Variants in RABGAP1L observed in about 807,000 individuals in gnomAD.
The protein encoded by RABGAP1L is RAB GTPase activating protein 1 like.
In RABGAP1L, 63 loss-of-function variants were observed where a neutral mutation model predicts 137.7. That is an observed-to-expected ratio of 0.46 (90% CI 0.37 to 0.56). The LOEUF (loss-of-function observed/expected upper bound fraction) is 0.56, where lower values mean the gene tolerates loss of function less well. RABGAP1L is among the 20% of genes least tolerant of loss of function. RABGAP1L has a pLI of 0.00. For missense variants in RABGAP1L, 1,095 were observed against 1,244.0 expected, an observed-to-expected ratio of 0.88 and a Z score of 1.80; for synonymous variants, 431 against 433.7, an observed-to-expected ratio of 0.99 and a Z score of 0.08.
intron 13 of RABGAP1L, among the ~76,000 whole-genome samples, chr1:174,447,547 G>T (rs1017476025): frequency 1.3e-5 from 2 of 152,028 alleles, no homozygotes; most frequent in African/African-American, 4.8e-5. Flanking sequence ...CCAAATTTGA[G>T]ATCTTAAATT....
Position 174,208,329 on chromosome 1 carries a change from A to G in RABGAP1L, c.-33-10796A>G, listed in dbSNP as rs572922785. ...TGACAATCATGTAATCTGTAAATAAAGACAGTTTGATTTCTTCCTTTCCAA... is the reference window on the plus strand; with the variant it reads ...TGACAATCATGTAATCTGTAAATAAGGACAGTTTGATTTCTTCCTTTCCAA... On this transcript the variant is annotated intron_variant, in intron 1 of 25. Transcript: ENST00000681986. 5.3e-5 allele frequency among the ~76,000 whole-genome samples: 8 copies of G among 152,168 alleles called. No individual in the cohort carries two copies. The South Asian group carries it at 1.0e-3, about 20-fold the overall frequency.
chr1:174,929,527 G>A (rs189230562), intron 19 of RABGAP1L, among the ~76,000 whole-genome samples: 2 of 152,188 alleles, frequency 1.3e-5, no homozygotes, highest in African/African-American at 4.8e-5. Flanking sequence ...AGGATCACTT[G>A]AGGCCAGAGT....
At chr1:174,716,852 G>A (rs1027478138) in intron 17 of RABGAP1L, among the ~76,000 whole-genome samples, 1 of 152,082 alleles carries the variant, frequency 6.6e-6, no homozygotes, top group African/African-American at 2.4e-5. Flanking sequence ...ACCACATCAT[G>A]TCTGGTAATT....
intron 14 of RABGAP1L, among the ~76,000 whole-genome samples, chr1:174,647,322 C>T (rs1675051703): frequency 6.6e-6 from 1 of 152,088 alleles, no homozygotes; most frequent in African/African-American, 2.4e-5. Context: ...TTTGCCCATT[C>T]AGTATGATAT....
At chr1:174,850,489 C>T (rs1056100740) in intron 19 of RABGAP1L, among the ~76,000 whole-genome samples, 1 of 152,038 alleles carries the variant, frequency 6.6e-6, no homozygotes, top group East Asian at 1.9e-4. Context: ...TGTTTTGTAC[C>T]ATTTGCATAT....
At chr1:174,906,264 C>G (rs2149177399) in intron 19 of RABGAP1L, among the ~76,000 whole-genome samples, 1 of 152,126 alleles carries the variant, frequency 6.6e-6, no homozygotes, top group South Asian at 2.1e-4. Flanking sequence ...AGTGATCCAC[C>G]CAATTCAACC....
At chr1:174,458,720 A>G (rs1656322783) in intron 13 of RABGAP1L, among the ~76,000 whole-genome samples, 1 of 152,120 alleles carries the variant, frequency 6.6e-6, no homozygotes, top group Non-Finnish European at 1.5e-5. Flanking sequence ...TTAACTACTA[A>G]TATAACATAA....
At chr1:174,969,431 G>A (rs1669941222) in intron 21 of RABGAP1L, 44 bp downstream of exon 21, 1 of 1,431,392 alleles carries the variant, frequency 7.0e-7, no homozygotes. Flanking sequence ...TCAGGGCAAA[G>A]ACCGATTTGC....
chr1:174,749,350 A>T (rs1684154288), intron 17 of RABGAP1L, among the ~76,000 whole-genome samples: 1 of 149,464 alleles, frequency 6.7e-6, no homozygotes. Flanking sequence ...TTGTTTTTTG[A>T]GACAGGGTCT....
chr1:174,891,692 A>G (rs1656170956), intron 19 of RABGAP1L, among the ~76,000 whole-genome samples: 2 of 152,034 alleles, frequency 1.3e-5, no homozygotes, highest in African/African-American at 4.8e-5. Flanking sequence ...TTTTGTAGAG[A>G]TAGGGTCTCG....
chr1:174,617,342 A>C (rs1017448708), intron 13 of RABGAP1L, among the ~76,000 whole-genome samples: 3 of 152,192 alleles, frequency 2.0e-5, no homozygotes, highest in Non-Finnish European at 4.4e-5. Flanking sequence ...AAAATGAAGA[A>C]AGTAGAGTAT....
chr1:174,638,952 G>C (rs1674298047), intron 14 of RABGAP1L, among the ~76,000 whole-genome samples: 1 of 144,138 alleles, frequency 6.9e-6, no homozygotes, highest in Non-Finnish European at 1.5e-5. Flanking sequence ...CGAGTTAGTG[G>C]GTGCAGCGCA....
chr1:174,526,459 C>G (rs1432988584), intron 13 of RABGAP1L, among the ~76,000 whole-genome samples: 2 of 152,112 alleles, frequency 1.3e-5, no homozygotes, highest in Non-Finnish European at 2.9e-5. Context: ...CAGTGAATCT[C>G]TCCAGTCCCG....
intron 19 of RABGAP1L, among the ~76,000 whole-genome samples, chr1:174,881,788 C>T (rs1654270934): frequency 6.6e-6 from 1 of 152,006 alleles, no homozygotes; most frequent in Admixed American, 6.6e-5. Flanking sequence ...GTGTGAGCCA[C>T]CATACCTGGC....
chr1:174,609,643 T>A (rs1439891561), intron 13 of RABGAP1L, among the ~76,000 whole-genome samples: 1 of 152,162 alleles, frequency 6.6e-6, no homozygotes, highest in African/African-American at 2.4e-5. Context: ...ATCTACTACT[T>A]CAAGCTATTT....
intron 1 of RABGAP1L, among the ~76,000 whole-genome samples, chr1:174,197,495 T>G (rs1667780243): frequency 1.3e-5 from 2 of 152,182 alleles, no homozygotes; most frequent in Admixed American, 1.3e-4. Context: ...CCATAGAATT[T>G]GTTTCCTTAA....
At chr1:174,888,211 G>A (rs942540989) in intron 19 of RABGAP1L, among the ~76,000 whole-genome samples, 2 of 152,076 alleles carry the variant, frequency 1.3e-5, no homozygotes, top group Non-Finnish European at 2.9e-5. Flanking sequence ...AATATCTGTG[G>A]TATCTATAGG....
At chr1:174,754,577 C>T (rs1248830493) in intron 18 of RABGAP1L, among the ~76,000 whole-genome samples, 1 of 152,070 alleles carries the variant, frequency 6.6e-6, no homozygotes, top group Admixed American at 6.6e-5. Context: ...TGATAGCTTA[C>T]TGCAGCCTCA....
At chr1:174,295,066 G>A (rs566744925) in intron 10 of RABGAP1L, among the ~76,000 whole-genome samples, 33 of 151,778 alleles carry the variant, frequency 2.2e-4, no homozygotes, top group African/African-American at 8.0e-4. Flanking sequence ...CTACAGGTGC[G>A]TGCCACCATG....
Sources: gnomAD v4.1 joint callset for allele counts (sites outside exome capture counted in the v4.1 genomes callset) on GRCh38, gnomAD v4.1.1 for gene constraint, MANE v1.5 for transcripts, NCBI Gene and HGNC (gene_info 2026-07-23, HGNC 2026-07-21) for gene names.